The following GRIK4 variants were observed in gnomAD, a reference collection of about 807,000 sequenced individuals.
GRIK4 encodes glutamate receptor ionotropic, kainate 4.
Under a neutral mutation model 104.9 loss-of-function variants are expected in GRIK4, and 40 were observed. That is an observed-to-expected ratio of 0.38 (90% confidence interval 0.30 to 0.50). The LOEUF is 0.50. GRIK4 is among the 20% of genes least tolerant of loss of function. The pLI is 0.93. For synonymous variants in GRIK4, 485 were observed against 524.9 expected (o/e 0.92, Z 1.04); for missense variants, 1,047 against 1,308.1 (o/e 0.80, Z 3.08).
chr11:120,547,381 C>T (rs1052165121), intron 1 of GRIK4, among the ~76,000 whole-genome samples: 14 of 152,316 alleles, frequency 9.2e-5, no homozygotes, highest in East Asian at 5.8e-4. Flanking sequence ...AGTGTCTGCA[C>T]GAGCGGAGTA....
At chr11:120,766,225 A>C (rs533740155) in intron 3 of GRIK4, among the ~76,000 whole-genome samples, 54 of 152,106 alleles carry the variant, frequency 3.6e-4, no homozygotes, top group Non-Finnish European at 1.9e-4. Context: ...ACCCAGTCCA[A>C]ATTTCCCAGC....
chr11:120,545,959 G>C (rs1435246798), intron 1 of GRIK4, among the ~76,000 whole-genome samples: 3 of 152,220 alleles, frequency 2.0e-5, no homozygotes, highest in Admixed American at 6.5e-5. Context: ...GCTCTGACCA[G>C]ATGGCTTCAC....
intron 3 of GRIK4, among the ~76,000 whole-genome samples, chr11:120,784,444 G>C (rs532665079): frequency 6.6e-6 from 1 of 152,204 alleles, no homozygotes; most frequent in East Asian, 1.9e-4. Flanking sequence ...ATTTTCTCCT[G>C]CTTGCTTTTT....
intron 3 of GRIK4, among the ~76,000 whole-genome samples, chr11:120,768,737 G>A (rs767071363): frequency 2.0e-5 from 3 of 152,142 alleles, no homozygotes; most frequent in African/African-American, 7.2e-5. Flanking sequence ...ACTGTTAAGA[G>A]GTTTTATCAA....
chr11:120,820,603 A>G (rs1488600225), intron 6 of GRIK4, among the ~76,000 whole-genome samples: 3 of 152,214 alleles, frequency 2.0e-5, no homozygotes, highest in Non-Finnish European at 4.4e-5. Context: ...CATGTGGTCA[A>G]ACAGGTGCTG....
chr11:120,721,159 GT>G (rs987694100), intron 3 of GRIK4, among the ~76,000 whole-genome samples: 3 of 152,152 alleles, frequency 2.0e-5, no homozygotes, highest in African/African-American at 7.2e-5. Flanking sequence ...AGCAGTTGGG[GT>G]CCCTGGTTGG....
chr11:120,824,624 A>G (rs1270512546), intron 6 of GRIK4, among the ~76,000 whole-genome samples: 1 of 131,168 alleles, frequency 7.6e-6, no homozygotes, highest in Admixed American at 9.5e-5. Flanking sequence ...ATCTCAGCTC[A>G]CTGCAACCTT....
chr11:120,736,786 TC>T (rs1951231218), intron 3 of GRIK4, among the ~76,000 whole-genome samples: 1 of 150,734 alleles, frequency 6.6e-6, no homozygotes, highest in African/African-American at 2.4e-5. Context: ...CTCTCTCCCC[TC>T]ACCCTGCCCA....
chr11:120,859,143 G>C (rs1024992367), intron 8 of GRIK4: 1 of 152,012 alleles, frequency 6.6e-6, no homozygotes, highest in African/African-American at 2.4e-5. Context: ...CCCAGAACAT[G>C]CATTTGAAGG....
chr11:120,965,160 C>T (rs893385988), intron 18 of GRIK4, among the ~76,000 whole-genome samples: 3 of 152,146 alleles, frequency 2.0e-5, no homozygotes, highest in African/African-American at 7.2e-5. Context: ...GAAAATTAAG[C>T]GAGACAGAAC....
chr11:120,769,318 G>C (rs572645755), intron 3 of GRIK4, among the ~76,000 whole-genome samples: 2 of 151,978 alleles, frequency 1.3e-5, no homozygotes, highest in African/African-American at 4.8e-5. Flanking sequence ...CAGCCTCTAG[G>C]TTGAAAAATA....
chr11:120,921,254 A>G (rs1943221814), intron 13 of GRIK4, among the ~76,000 whole-genome samples: 1 of 152,300 alleles, frequency 6.6e-6, no homozygotes, highest in Admixed American at 6.5e-5. Context: ...CTAGAATGTA[A>G]GTTTCCTGAG....
At chr11:120,864,623 C>A (rs1954356783) in intron 9 of GRIK4, among the ~76,000 whole-genome samples, 1 of 152,236 alleles carries the variant, frequency 6.6e-6, no homozygotes, top group Non-Finnish European at 1.5e-5. Flanking sequence ...TCCCTTCAAC[C>A]CAAGCCTCAC....
intron 1 of GRIK4, among the ~76,000 whole-genome samples, chr11:120,582,893 G>C (rs1191477528): frequency 3.9e-5 from 6 of 152,168 alleles, no homozygotes. Flanking sequence ...TGGGATTGCT[G>C]GGTCAAATGT....
chr11:120,728,822 C>T (rs1380231049), intron 3 of GRIK4, among the ~76,000 whole-genome samples: 2 of 152,100 alleles, frequency 1.3e-5, no homozygotes, highest in Non-Finnish European at 2.9e-5. Context: ...ACTATAGTCA[C>T]CCTGTTGTGC....
chr11:120,761,757 G>A (rs535797279), intron 3 of GRIK4, among the ~76,000 whole-genome samples: 38 of 152,216 alleles, frequency 2.5e-4, no homozygotes, highest in Admixed American at 5.9e-4. Context: ...TCAGATAGTT[G>A]TAGATGTGTG....
chr11:120,703,767 C>A (rs1011757470), intron 3 of GRIK4, among the ~76,000 whole-genome samples: 1 of 152,064 alleles, frequency 6.6e-6, no homozygotes, highest in Non-Finnish European at 1.5e-5. Context: ...ATTACTATTT[C>A]GGTTGTGTCT....
At chr11:120,785,461 A>G (rs1468380676) in intron 3 of GRIK4, among the ~76,000 whole-genome samples, 1 of 152,234 alleles carries the variant, frequency 6.6e-6, no homozygotes. Flanking sequence ...GTGGCCGTAT[A>G]CATAGGGCAC....
chr11:120,766,044 G>T (rs569559226), intron 3 of GRIK4, among the ~76,000 whole-genome samples: 2 of 152,336 alleles, frequency 1.3e-5, no homozygotes, highest in South Asian at 4.1e-4. Context: ...TGCTGAAGTT[G>T]TGCCCACAGC....
Sources: gnomAD v4.1 joint callset for allele counts (sites outside exome capture counted in the v4.1 genomes callset) on GRCh38, gnomAD v4.1.1 for gene constraint, MANE v1.5 for transcripts, NCBI Gene and HGNC (gene_info 2026-07-23, HGNC 2026-07-21) for gene names.